The following DPP10 variants were observed in gnomAD, a reference collection of about 807,000 sequenced individuals.
DPP10 encodes the protein dipeptidyl peptidase like 10.
DPP10 carries 33 observed loss-of-function variants against 120.9 expected under a neutral mutation model. The ratio of observed to expected loss-of-function variants is 0.27; its 90% CI spans 0.21 to 0.37. The LOEUF is 0.37. Ranked by LOEUF, DPP10 falls within the 10% of genes least tolerant of loss-of-function variation. The probability of loss-of-function intolerance (pLI) is 1.00; values close to 1 mark genes in which losing one functional copy is unlikely to be tolerated. For missense variants in DPP10, 816 were observed against 942.8 expected, an observed-to-expected ratio of 0.87 and a Z score of 1.76; for synonymous variants, 337 against 326.1, an observed-to-expected ratio of 1.03 and a Z score of -0.36.
At chr2:114,867,194 G>C (rs1317493495) in intron 1 of DPP10, among the ~76,000 whole-genome samples, 1 of 152,156 alleles carries the variant, frequency 6.6e-6, no homozygotes, top group African/African-American at 2.4e-5. Flanking sequence ...GGGAAGCTCA[G>C]TTGGCAGTCT....
intron 1 of DPP10, among the ~76,000 whole-genome samples, chr2:114,528,158 A>G (rs545266622): frequency 6.6e-6 from 1 of 152,262 alleles, no homozygotes; most frequent in African/African-American, 2.4e-5. Context: ...GCCACCTCCC[A>G]TACACACTGC....
intron 19 of DPP10, among the ~76,000 whole-genome samples, chr2:115,807,806 T>C (rs980525482): frequency 7.3e-5 from 11 of 150,980 alleles, no homozygotes; most frequent in Non-Finnish European, 1.3e-4. Context: ...AAAAAAACAT[T>C]AAAACATCAA....
chr2:114,523,428 G>C (rs1426912265), intron 1 of DPP10, among the ~76,000 whole-genome samples: 1 of 152,236 alleles, frequency 6.6e-6, no homozygotes, highest in African/African-American at 2.4e-5. Flanking sequence ...GGGTGCATCA[G>C]TCTGTGAAAG....
At chr2:114,472,171 T>A (rs1188226540) in intron 1 of DPP10, among the ~76,000 whole-genome samples, 1 of 152,216 alleles carries the variant, frequency 6.6e-6, no homozygotes, top group African/African-American at 2.4e-5. Context: ...AGTGTTCACC[T>A]AGAGGAGCAA....
intron 1 of DPP10, among the ~76,000 whole-genome samples, chr2:114,450,810 GTTC>G (rs986127849): frequency 5.3e-5 from 8 of 152,044 alleles, no homozygotes; most frequent in African/African-American, 1.9e-4. Flanking sequence ...AACCCCTGTT[GTTC>G]TTCTTTGGAG....
chr2:114,718,380 G>A (rs1037052310), intron 1 of DPP10, among the ~76,000 whole-genome samples: 9 of 133,882 alleles, frequency 6.7e-5, no homozygotes, highest in African/African-American at 2.5e-4. Flanking sequence ...CAGCCTGGGC[G>A]AGAGTGAGAG....
chr2:114,842,254 G>A (rs1422119275), intron 1 of DPP10, among the ~76,000 whole-genome samples: 1 of 152,080 alleles, frequency 6.6e-6, no homozygotes, highest in Non-Finnish European at 1.5e-5. Flanking sequence ...AAGGCTATTT[G>A]GCATTCCTTA....
intron 1 of DPP10, among the ~76,000 whole-genome samples, chr2:114,644,019 C>T (rs935588427): frequency 4.7e-5 from 7 of 148,680 alleles, no homozygotes; most frequent in Admixed American, 4.7e-4. Flanking sequence ...ACTGCAACCT[C>T]CACCTCCCAG....
chr2:114,522,529 G>A (rs1484957429), intron 1 of DPP10, among the ~76,000 whole-genome samples: 1 of 152,066 alleles, frequency 6.6e-6, no homozygotes, highest in Non-Finnish European at 1.5e-5. Flanking sequence ...TATGATAATA[G>A]AAATATAAAT....
intron 1 of DPP10, among the ~76,000 whole-genome samples, chr2:114,704,295 G>A (rs1644637525): frequency 6.6e-6 from 1 of 152,168 alleles, no homozygotes; most frequent in African/African-American, 2.4e-5. Flanking sequence ...AAATAAGATA[G>A]ATTGGGGAGA....
chr2:114,670,715 A>T (rs1366979243), intron 1 of DPP10, among the ~76,000 whole-genome samples: 2 of 152,138 alleles, frequency 1.3e-5, no homozygotes, highest in Non-Finnish European at 2.9e-5. Flanking sequence ...CTAATCATAA[A>T]ATCTACATAT....
chr2:114,686,374 G>A (rs375489669), intron 1 of DPP10, among the ~76,000 whole-genome samples: 21 of 151,948 alleles, frequency 1.4e-4, no homozygotes, highest in African/African-American at 5.1e-4. Flanking sequence ...CTAAGTTCCA[G>A]CAAACCAAAA....
chr2:115,210,406 T>A (rs952032568), intron 1 of DPP10, among the ~76,000 whole-genome samples: 5 of 152,182 alleles, frequency 3.3e-5, no homozygotes, highest in Admixed American at 6.5e-5. Context: ...ACATTTTCTT[T>A]ATCCAGTCTA....
At chr2:115,532,880 A>G (rs1035682408) in intron 5 of DPP10, among the ~76,000 whole-genome samples, 2 of 151,956 alleles carry the variant, frequency 1.3e-5, no homozygotes, top group South Asian at 2.1e-4. Flanking sequence ...CAATAAATCT[A>G]TGTAATTTTA....
At chr2:115,165,188 TA>T (rs2052743463) in intron 1 of DPP10, among the ~76,000 whole-genome samples, 1 of 152,228 alleles carries the variant, frequency 6.6e-6, no homozygotes, top group Non-Finnish European at 1.5e-5. Flanking sequence ...TTAGGGTTCA[TA>T]AAGTAACATT....
chr2:114,740,222 T>C (rs868705950), intron 1 of DPP10, among the ~76,000 whole-genome samples: 59 of 151,290 alleles, frequency 3.9e-4, no homozygotes, highest in Non-Finnish European at 7.8e-4. Flanking sequence ...ATGGATGAAA[T>C]TGGAAACCAT....
At chr2:115,163,587 T>C (rs1342629716) in intron 1 of DPP10, among the ~76,000 whole-genome samples, 3 of 152,176 alleles carry the variant, frequency 2.0e-5, no homozygotes, top group African/African-American at 7.2e-5. Context: ...ATGTAAACAT[T>C]GGTTAGCAGA....
At chr2:114,565,395 G>A (rs1410079274) in intron 1 of DPP10, among the ~76,000 whole-genome samples, 2 of 152,160 alleles carry the variant, frequency 1.3e-5, no homozygotes, top group African/African-American at 4.8e-5. Context: ...CACCTGATCT[G>A]TTCTTTCTTT....
At chr2:114,751,016 C>G (rs913567390) in intron 1 of DPP10, among the ~76,000 whole-genome samples, 56 of 152,130 alleles carry the variant, frequency 3.7e-4, no homozygotes, top group African/African-American at 1.3e-3. Flanking sequence ...CTAAGTCAAC[C>G]CTCTTGAAAA....
Sources: gnomAD v4.1 joint callset for allele counts (sites outside exome capture counted in the v4.1 genomes callset) on GRCh38, gnomAD v4.1.1 for gene constraint, MANE v1.5 for transcripts, NCBI Gene and HGNC (gene_info 2026-07-23, HGNC 2026-07-21) for gene names.